Variants in AUTS2 observed in about 807,000 individuals in gnomAD.
The protein encoded by AUTS2 is autism susceptibility gene 2 protein.
In AUTS2, 17 loss-of-function variants were observed where a neutral mutation model predicts 112.4. The observed-to-expected ratio is 0.15, with a 90% CI of 0.10 to 0.23. The LOEUF is 0.23. AUTS2 is among the 10% of genes least tolerant of loss of function. The pLI is 1.00. For synonymous variants in AUTS2, 751 were observed against 702.7 expected (o/e 1.07, Z -1.09); for missense variants, 1,510 against 1,701.6 (o/e 0.89, Z 1.98).
At chr7:70,080,875 C>G (rs1038386104) in intron 2 of AUTS2, among the ~76,000 whole-genome samples, 1 of 152,138 alleles carries the variant, frequency 6.6e-6, no homozygotes, top group Non-Finnish European at 1.5e-5. Context: ...TAAAGCCTGC[C>G]TACTCTATTT....
At position 69,734,887 on chromosome 7, in the gene AUTS2, A is replaced by C. The variant is rs79416220; in HGVS notation, c.309+134925A>C. 8.6e-3 allele frequency among the ~76,000 whole-genome samples: 1,307 copies of C among 151,926 alleles called. 51 individuals are homozygous for C. The East Asian group carries it at 0.1, about 12-fold the overall frequency. ...CTGACATATTAATTCCTTCCCATCC[A>C]CCCCCTGCCCCATTCTCAATGTAAA... On this transcript the variant is annotated intron_variant, in intron 1 of 18. Coordinates refer to ENST00000342771, the MANE Select transcript of AUTS2 (RefSeq NM_015570.4).
chr7:69,876,349 A>ATATAT (rs1247359824), intron 1 of AUTS2, among the ~76,000 whole-genome samples: 8 of 29,488 alleles, frequency 2.7e-4, no homozygotes, highest in African/African-American at 5.9e-4. Flanking sequence ...AAAAAAAAAA[A>ATATAT]ATATATATAT....
intron 2 of AUTS2, among the ~76,000 whole-genome samples, chr7:70,043,096 G>A (rs1003845216): frequency 3.3e-5 from 5 of 151,068 alleles, no homozygotes; most frequent in Non-Finnish European, 7.4e-5. Flanking sequence ...AAATTAACTT[G>A]CAAAAATAAA....
chr7:70,300,435 G>T (rs1449278893), intron 4 of AUTS2, among the ~76,000 whole-genome samples: 1 of 152,106 alleles, frequency 6.6e-6, no homozygotes, highest in East Asian at 1.9e-4. Flanking sequence ...CATCCAGCAG[G>T]ACACATGGAC....
At chr7:69,675,827 T>G (rs956916186) in intron 1 of AUTS2, among the ~76,000 whole-genome samples, 4 of 152,136 alleles carry the variant, frequency 2.6e-5, no homozygotes. Flanking sequence ...TTTGACTCTT[T>G]GCACCCACAG....
chr7:70,266,469 G>A (rs1208456395), intron 4 of AUTS2, among the ~76,000 whole-genome samples: 4 of 152,108 alleles, frequency 2.6e-5, no homozygotes, highest in Admixed American at 6.6e-5. Context: ...GAAAACTACT[G>A]AAAACCCTGT....
At chr7:69,842,901 C>T (rs971839490) in intron 1 of AUTS2, among the ~76,000 whole-genome samples, 11 of 152,074 alleles carry the variant, frequency 7.2e-5, no homozygotes, top group African/African-American at 2.2e-4. Flanking sequence ...TCAGGACTTC[C>T]GAGAGGTATA....
At chr7:69,635,927 C>T (rs1466971800) in intron 1 of AUTS2, among the ~76,000 whole-genome samples, 2 of 152,206 alleles carry the variant, frequency 1.3e-5, no homozygotes, top group African/African-American at 4.8e-5. Context: ...ACAACTAGCT[C>T]AATTAGAGTC....
chr7:70,730,084 C>G (rs10235304), intron 6 of AUTS2, among the ~76,000 whole-genome samples: 4,010 of 152,156 alleles, frequency 0.026, 165 homozygotes, highest in African/African-American at 0.091. Flanking sequence ...GAGTTTCACT[C>G]TGTTGGCTAG....
At chr7:70,535,055 G>A in intron 5 of AUTS2, among the ~76,000 whole-genome samples, 1 of 146,628 alleles carries the variant, frequency 6.8e-6, no homozygotes, top group African/African-American at 2.5e-5. Context: ...AAAAAAAGAT[G>A]TAATGTACTG....
intron 1 of AUTS2, among the ~76,000 whole-genome samples, chr7:69,762,497 T>C (rs1337416067): frequency 6.6e-6 from 1 of 151,668 alleles, no homozygotes; most frequent in Non-Finnish European, 1.5e-5. Flanking sequence ...TTGATAGAGA[T>C]GGGGTTTTGC....
chr7:69,988,970 GA>G (rs1798627415), intron 2 of AUTS2, among the ~76,000 whole-genome samples: 1 of 152,050 alleles, frequency 6.6e-6, no homozygotes, highest in African/African-American at 2.4e-5. Context: ...AAAGGGGCAG[GA>G]AAAAAGAAAG....
chr7:70,257,238 T>C (rs1786924659), intron 4 of AUTS2, among the ~76,000 whole-genome samples: 1 of 152,152 alleles, frequency 6.6e-6, no homozygotes, highest in African/African-American at 2.4e-5. Context: ...CCTCCTGGAC[T>C]CAAGAGATCC....
Position 69,980,690 on chromosome 7 carries a change from T to C in AUTS2, c.522+81192T>C, listed in dbSNP as rs143825049. Among the ~76,000 whole-genome samples the C allele has an allele frequency of 6.5e-3, 996 of 152,254 alleles. 10 individuals carry two copies. Among genetic ancestry groups the C allele is most frequent in the African/African-American group, 0.023 (947 of 41,528 alleles). On this transcript the variant is annotated intron_variant, in intron 2 of 18. Transcript: ENST00000342771. ...CCAGTCCTTTCATGTAGAGCAGCGG[T>C]TTGCATCTTTGGCTATACATTGGAA...
chr7:69,690,638 C>T (rs529790300), intron 1 of AUTS2, among the ~76,000 whole-genome samples: 20 of 152,282 alleles, frequency 1.3e-4, no homozygotes, highest in African/African-American at 3.6e-4. Context: ...CTGGGGAATG[C>T]GGTGGCACCT....
At chr7:69,766,989 C>T (rs1232574347) in intron 1 of AUTS2, among the ~76,000 whole-genome samples, 3 of 152,206 alleles carry the variant, frequency 2.0e-5, no homozygotes, top group Non-Finnish European at 4.4e-5. Context: ...TTCACTCTGA[C>T]ACCCTGCTAC....
Position 70,772,707 on chromosome 7 carries a change from C to T in AUTS2, c.1830+1063C>T, listed in dbSNP as rs911099963. 3.9e-5 allele frequency among the ~76,000 whole-genome samples: 6 copies of T among 152,336 alleles called. No homozygotes were observed. In the South Asian group the frequency reaches 6.2e-4, roughly 16 times the overall value. ...GCATTGAATTGCATTGAATTCAGTT[C>T]ATCTATTGAATTTGCCTGCATTGAA... is the stretch of plus-strand genomic sequence containing the variant. On this transcript the variant is annotated intron_variant, in intron 11 of 18. Transcript: ENST00000342771.
In AUTS2 at chr7:70,502,322, A is replaced by G. The variant is rs1798801574; in HGVS notation, c.690+66541A>G. 3.9e-5 allele frequency among the ~76,000 whole-genome samples: 6 copies of G among 152,362 alleles called. No individual in the cohort carries two copies. The South Asian group carries it at 1.2e-3, about 32-fold the overall frequency. ...CTTCTGAATGTTGGACAAAGATAGTAGCTCTTGTGTAAGAACACACTATCG... is the reference window on the plus strand; with the variant it reads ...CTTCTGAATGTTGGACAAAGATAGTGGCTCTTGTGTAAGAACACACTATCG... On this transcript the variant is annotated intron_variant, in intron 5 of 18. Coordinates refer to ENST00000342771, the MANE Select transcript of AUTS2 (RefSeq NM_015570.4).
At chr7:69,855,200 G>A (rs1305395309) in intron 1 of AUTS2, among the ~76,000 whole-genome samples, 2 of 152,186 alleles carry the variant, frequency 1.3e-5, no homozygotes, top group Non-Finnish European at 2.9e-5. Flanking sequence ...GTAAAATGAA[G>A]ATTCTAGAAG....
Sources: allele counts gnomAD v4.1 joint callset (sites outside exome capture counted in the v4.1 genomes callset), GRCh38; gene constraint gnomAD v4.1.1; transcripts MANE v1.5; gene names NCBI Gene and HGNC (gene_info 2026-07-23, HGNC 2026-07-21).